The following SORCS2 variants were observed in gnomAD, a reference collection of about 807,000 sequenced individuals.
The protein encoded by SORCS2 is VPS10 domain-containing receptor SorCS2.
A neutral mutation model predicts 141.6 loss-of-function variants in SORCS2; 100 were observed. The observed-to-expected ratio is 0.71, with a 90% CI of 0.60 to 0.83. The LOEUF is 0.83. SORCS2 is among the 40% of genes least tolerant of loss of function. SORCS2 has a pLI of 0.00. For synonymous variants in SORCS2, 789 were observed against 676.9 expected (o/e 1.17, Z -2.57); for missense variants, 1,646 against 1,560.2 (o/e 1.05, Z -0.93).
At position 7,423,700 on chromosome 4, in the gene SORCS2, G is replaced by A. The variant is rs536970083; in HGVS notation, c.548+27345G>A. On this transcript the variant is annotated intron_variant, in intron 2 of 26. Coordinates refer to ENST00000507866, the MANE Select transcript of SORCS2 (RefSeq NM_020777.3). ...GGCCTAGCACCTGGCATGAGTCGGT[G>A]CTCAGGGAGACCCAGGCTGCCCCAC... Among the ~76,000 whole-genome samples the A allele has an allele frequency of 1.0e-3, 158 of 152,292 alleles. 1 individual carries two copies. The highest frequency in any genetic ancestry group is 3.7e-3 in the African/African-American group (153 of 41,558).
chr4:7,738,393 T>A (rs1712371633), intron 26 of SORCS2, among the ~76,000 whole-genome samples: 1 of 152,222 alleles, frequency 6.6e-6, no homozygotes, highest in Admixed American at 6.5e-5. Flanking sequence ...TGCAAAGACA[T>A]GGACTGTCCT....
intron 1 of SORCS2, among the ~76,000 whole-genome samples, chr4:7,255,201 A>T (rs1159518367): frequency 2.6e-5 from 4 of 151,992 alleles, no homozygotes; most frequent in African/African-American, 9.7e-5. Flanking sequence ...TGACAGTCCC[A>T]TGCAGAAGAA....
intron 26 of SORCS2, among the ~76,000 whole-genome samples, chr4:7,739,334 C>T (rs1256806121): frequency 1.3e-5 from 2 of 152,094 alleles, no homozygotes; most frequent in Admixed American, 6.5e-5. Context: ...CGGCATCACC[C>T]CCATGCTCAC....
chr4:7,314,400 C>T (rs923613250), intron 1 of SORCS2, among the ~76,000 whole-genome samples: 17 of 149,368 alleles, frequency 1.1e-4, no homozygotes, highest in Non-Finnish European at 2.1e-4. Flanking sequence ...AGTGCAGTGG[C>T]GTGATCTTGA....
intron 1 of SORCS2, among the ~76,000 whole-genome samples, chr4:7,313,496 G>A (rs1425768833): frequency 1.3e-5 from 2 of 152,208 alleles, no homozygotes; most frequent in African/African-American, 4.8e-5. Context: ...GGTGGTCACT[G>A]GAGCGGAGGT....
rs138821306 is a variant in SORCS2, at chr4:7,226,952, C to T, written c.480+33826C>T. On this transcript the variant is annotated intron_variant, in intron 1 of 26. Transcript: ENST00000507866. The stretch of plus-strand genomic sequence containing the variant: ...TGAGTTCCTCGATGCCGCCATGTGG[C>T]TGAAGGGCAGTGGGGCCATCCCTGA... Among the ~76,000 whole-genome samples, 1,238 of 152,314 alleles carry T rather than the reference C, an allele frequency of 8.1e-3. 8 individuals carry two copies. The highest frequency in any genetic ancestry group is 0.017 in the Middle Eastern group (5 of 294).
rs1221179301 is a variant in SORCS2 at position 7,689,472 on chromosome 4, T to C, written c.1489-14T>C. On this transcript the variant is annotated splice_polypyrimidine_tract_variant and intron_variant, in intron 10 of 26. Transcript: ENST00000507866. ...CTCATGTGTTGACAGTTGCGTCCTT[T>C]CTCTTCCTTGCAGCCAGACTGCCAC... 15 of 1,580,604 alleles carry C rather than the reference T, an allele frequency of 9.5e-6. No individual in the cohort carries two copies. Among genetic ancestry groups the C allele is most frequent in the Admixed American group, 3.6e-5 (2 of 55,666 alleles).
In SORCS2 at chr4:7,725,252, A is replaced by G. The variant is rs1297433075; in HGVS notation, c.2710A>G (p.Thr904Ala). The change falls in exon 20 of 27, where the codon ACC (threonine) becomes GCC (alanine). Residue 904 changes from threonine (T) to alanine (A), a missense_variant. By Grantham distance (58) the Thr-to-Ala change is moderately conservative. Transcript: ENST00000507866. ...GCTGCTTCCCTTGAACCCTAACCTC[A>G]CCGTCTTCTACTGGTGGATCGGCCA... is the stretch of plus-strand genomic sequence containing the variant. Reference protein sequence around the residue: ...AVLLPLNPNLTVFYWWIGHSL... With the variant: ...AVLLPLNPNLAVFYWWIGHSL... 6.2e-7 allele frequency: 1 copy of G among 1,613,354 alleles called. No individual in the cohort carries two copies. Among genetic ancestry groups the G allele is most frequent in the Admixed American group, 1.7e-5 (1 of 59,984 alleles).
chr4:7,533,466 T>A (rs1487391896), intron 3 of SORCS2, among the ~76,000 whole-genome samples: 1 of 152,074 alleles, frequency 6.6e-6, no homozygotes, highest in Non-Finnish European at 1.5e-5. Context: ...CAGCTTCGAG[T>A]TCCTGTCCAT....
chr4:7,463,180 C>G (rs1218201104), intron 2 of SORCS2, among the ~76,000 whole-genome samples: 1 of 152,160 alleles, frequency 6.6e-6, no homozygotes, highest in Admixed American at 6.5e-5. Flanking sequence ...GTGCTGACCA[C>G]TCTGTTGAGA....
intron 2 of SORCS2, among the ~76,000 whole-genome samples, chr4:7,517,372 C>CT (rs1733055419): frequency 6.6e-6 from 1 of 152,128 alleles, no homozygotes; most frequent in African/African-American, 2.4e-5. Flanking sequence ...ATTTTTGTAT[C>CT]TTATATGTAA....
intron 2 of SORCS2, among the ~76,000 whole-genome samples, chr4:7,518,603 T>C (rs943704846): frequency 1.3e-5 from 2 of 152,194 alleles, no homozygotes; most frequent in African/African-American, 4.8e-5. Flanking sequence ...GGTTGGTTCC[T>C]GGGGACAACG....
chr4:7,551,579 G>A (rs1713705786), intron 3 of SORCS2, among the ~76,000 whole-genome samples: 4 of 152,174 alleles, frequency 2.6e-5, no homozygotes, highest in Admixed American at 6.5e-5. Flanking sequence ...GAGAAGCAAA[G>A]AGCCCACTGG....
chr4:7,522,906 CCTCCCTCTTCTCTCCTCCCTG>C (rs1560353648), intron 2 of SORCS2, among the ~76,000 whole-genome samples: 2 of 1,942 alleles, frequency 1.0e-3, no homozygotes, highest in Admixed American at 7.0e-3. Flanking sequence ...TCTCCTCCCT[CCTCCCTCTTCTCTCCTCCCTG>C]TTCCCCCTCC....
At chr4:7,387,504 T>C in intron 1 of SORCS2, among the ~76,000 whole-genome samples, 1 of 143,972 alleles carries the variant, frequency 6.9e-6, no homozygotes. Flanking sequence ...TGCACACAAA[T>C]ACAGGTACAC....
At chr4:7,581,809 C>T (rs577025769) in intron 3 of SORCS2, among the ~76,000 whole-genome samples, 1 of 152,142 alleles carries the variant, frequency 6.6e-6, no homozygotes, top group Non-Finnish European at 1.5e-5. Context: ...TAGCTCTGCC[C>T]CAGTGCTTGC....
intron 1 of SORCS2, among the ~76,000 whole-genome samples, chr4:7,277,969 C>T (rs6831668): frequency 0.35 from 52,544 of 152,056 alleles, 9,588 homozygotes; most frequent in African/African-American, 0.4. Context: ...TGTCTGAGCA[C>T]GTCTTGGCTT....
At chr4:7,548,435 C>T (rs547556299) in intron 3 of SORCS2, among the ~76,000 whole-genome samples, 3 of 152,204 alleles carry the variant, frequency 2.0e-5, no homozygotes, top group East Asian at 1.9e-4. Flanking sequence ...TAATGAGAGC[C>T]GCCATGTACT....
At chr4:7,710,245 G>A (rs897757354) in intron 14 of SORCS2, among the ~76,000 whole-genome samples, 12 of 152,172 alleles carry the variant, frequency 7.9e-5, no homozygotes, top group African/African-American at 2.7e-4. Flanking sequence ...CCACCAGCCC[G>A]GGTTCCAACG....
Sources: gnomAD v4.1 joint callset for allele counts (sites outside exome capture counted in the v4.1 genomes callset) on GRCh38, gnomAD v4.1.1 for gene constraint, MANE v1.5 for transcripts, NCBI Gene and HGNC (gene_info 2026-07-23, HGNC 2026-07-21) for gene names.